Variants in CPNE9 observed in about 807,000 individuals in gnomAD.
CPNE9 encodes copine family member 9.
CPNE9 carries 59 observed loss-of-function variants against 83.0 expected under a neutral mutation model. That is an observed-to-expected ratio of 0.71 (90% CI 0.58 to 0.88). The LOEUF is 0.88. Among genes scored for constraint, CPNE9 ranks in the 40% least tolerant of loss-of-function variants. The pLI, the probability that CPNE9 is intolerant of heterozygous loss-of-function variation, is 0.00. For missense variants in CPNE9, 619 were observed against 720.8 expected, an observed-to-expected ratio of 0.86 and a Z score of 1.62; for synonymous variants, 256 against 273.4, an observed-to-expected ratio of 0.94 and a Z score of 0.63.
intron 7 of CPNE9, among the ~76,000 whole-genome samples, chr3:9,708,245 C>G (rs950917653): frequency 3.9e-5 from 6 of 152,204 alleles, no homozygotes; most frequent in African/African-American, 1.4e-4. Flanking sequence ...AGCCACTGAG[C>G]CCGGCCTTAG....
chr3:9,705,435 AC>A, intron 4 of CPNE9, 28 bp from the exon 5 acceptor site: 3 of 355,474 alleles, frequency 8.4e-6, no homozygotes, highest in Non-Finnish European at 1.3e-5. Flanking sequence ...ACCCAGCCCC[AC>A]CCCACACCGG....
intron 11 of CPNE9, 28 bp from the exon 12 acceptor site, chr3:9,715,261 C>G (rs1299336595): frequency 6.2e-7 from 1 of 1,612,046 alleles, no homozygotes; most frequent in South Asian, 1.1e-5. Flanking sequence ...GCAGCACCTG[C>G]TGCTTAGCCA....
At chr3:9,723,461 G>T (rs1444324984) in intron 17 of CPNE9, among the ~76,000 whole-genome samples, 1 of 151,254 alleles carries the variant, frequency 6.6e-6, no homozygotes, top group South Asian at 2.1e-4. Context: ...AACAGAGCGA[G>T]ACTCTGTCTC....
intron 17 of CPNE9, among the ~76,000 whole-genome samples, chr3:9,721,165 T>C (rs1156895771): frequency 6.6e-6 from 1 of 152,214 alleles, no homozygotes; most frequent in Non-Finnish European, 1.5e-5. Flanking sequence ...GTCCCTCCCC[T>C]TGGGAGCTCC....
intron 4 of CPNE9, 129 bp from the exon 5 acceptor site, chr3:9,705,335 C>T (rs1027243847): frequency 9.5e-6 from 7 of 733,830 alleles, no homozygotes; most frequent in Admixed American, 2.3e-5. Context: ...AAAAGGAGAC[C>T]AAAGCTGAAT....
intron 7 of CPNE9, among the ~76,000 whole-genome samples, chr3:9,707,082 G>A (rs184347526): frequency 8.6e-5 from 13 of 152,042 alleles, no homozygotes; most frequent in Non-Finnish European, 1.5e-4. Context: ...GGCCAGGCGC[G>A]GTGGCTCACA....
chr3:9,712,806 T>A lies in CPNE9; in HGVS notation c.523T>A (p.Tyr175Asn). 3 of 1,614,092 alleles carry A rather than the reference T, an allele frequency of 1.9e-6. No homozygotes were observed. Among genetic ancestry groups the A allele is most frequent in the Non-Finnish European group, 2.5e-6 (3 of 1,179,948 alleles). The stretch of plus-strand genomic sequence containing the variant: ...GAAATCAGACCCCTTCCTTGTGTTC[T>A]ACAGGAGCAATGAGGATGGCACGTG... The part of the protein sequence containing the change: ...FGKSDPFLVF[Y>N]RSNEDGTFTI... The change falls in exon 9 of 21, where the codon TAC (tyrosine) becomes AAC (asparagine). Residue 175 changes from tyrosine (Y) to asparagine (N), a missense_variant. Physicochemically the swap from Tyr to Asn is moderately radical, Grantham distance 143 (BLOSUM62 -2). This residue lies in a region of CPNE9 where 438 missense variants were observed against 562.9 expected (regional missense o/e 0.78). Transcript: ENST00000383832.
At position 9,713,148 on chromosome 3, in the gene CPNE9, T is replaced by C. The variant is rs572031745; in HGVS notation, c.650+69T>C. 4.5e-5 allele frequency: 53 copies of C among 1,178,426 alleles called. 1 individual carries two copies. The Admixed American group carries it at 9.6e-4, about 21-fold the overall frequency. The allele number at this position is 1,178,426 out of a possible 1,614,324, so 73.0% of individuals were successfully genotyped here. On this transcript the variant is annotated intron_variant, in intron 10 of 20. Coordinates refer to ENST00000383832, the MANE Select transcript of CPNE9 (RefSeq NM_153635.3). The stretch of plus-strand genomic sequence containing the variant: ...CCAGTGTGGTTCCTGGGCCCAAGAA[T>C]GATAGTAGAAGTATCATAATAGCGT...
At chr3:9,705,820 G>T in intron 6 of CPNE9, 100 bp downstream of exon 6, 1 of 1,430,924 alleles carries the variant, frequency 7.0e-7, no homozygotes. Context: ...ATTGCTCGCA[G>T]ACCCCTTCTT....
chr3:9,724,879 C>T (rs927781252), intron 17 of CPNE9, among the ~76,000 whole-genome samples: 6 of 152,170 alleles, frequency 3.9e-5, no homozygotes, highest in African/African-American at 1.2e-4. Context: ...GCCTCAGCCT[C>T]CCGAGTAGCT....
chr3:9,718,375 T>C (rs1222879934), intron 16 of CPNE9, 100 bp from the exon 17 acceptor site: 37 of 1,498,738 alleles, frequency 2.5e-5, no homozygotes, highest in Non-Finnish European at 3.3e-5. Context: ...GAGGGGAGCA[T>C]GAAAGGGACT....
intron 7 of CPNE9, among the ~76,000 whole-genome samples, chr3:9,709,593 C>T (rs946221896): frequency 2.0e-5 from 3 of 150,666 alleles, no homozygotes; most frequent in Admixed American, 1.3e-4. Context: ...TGGTCTTGAA[C>T]GCCTTACCTC....
At chr3:9,718,251 C>T in intron 16 of CPNE9, 41 bp downstream of exon 16, 1 of 1,546,768 alleles carries the variant, frequency 6.5e-7, no homozygotes, top group Non-Finnish European at 8.8e-7. Flanking sequence ...GCCCTGGCAT[C>T]TGGTTCACCC....
intron 16 of CPNE9, 24 bp from the exon 17 acceptor site, chr3:9,718,451 C>T: frequency 3.7e-6 from 6 of 1,606,658 alleles, no homozygotes; most frequent in Non-Finnish European, 5.1e-6. Flanking sequence ...TGGGCTCAGC[C>T]TGGCAGGGCA....
At chr3:9,723,399 G>A (rs1299709656) in intron 17 of CPNE9, among the ~76,000 whole-genome samples, 2 of 151,868 alleles carry the variant, frequency 1.3e-5, no homozygotes, top group Non-Finnish European at 2.9e-5. Context: ...TTGAACCCAG[G>A]AGGCAGAGGT....
At position 9,718,540 on chromosome 3, in the gene CPNE9, C is replaced by G; in HGVS notation, c.1179C>G (p.Ser393Arg). 6.2e-7 allele frequency: 1 copy of G among 1,613,728 alleles called. No individual in the cohort carries two copies. Among genetic ancestry groups the G allele is most frequent in the Non-Finnish European group, 8.5e-7 (1 of 1,179,974 alleles). The change falls in exon 17 of 21, where the codon AGC becomes AGG. Residue 393 changes from serine to arginine, a missense_variant. Physicochemically the swap from Ser to Arg is moderately radical, Grantham distance 110. Coordinates refer to ENST00000383832, the MANE Select transcript of CPNE9 (RefSeq NM_153635.3). ...IEGVLESYFQ[S>R]LRTVQLYGPT... ...GTGTGCTGGAGAGCTATTTCCAGAG[C>G]CTGCGCACAGTGCAGCTCTATGGGC...
intron 14 of CPNE9, 137 bp from the exon 15 acceptor site, chr3:9,716,921 C>G: frequency 1.1e-6 from 1 of 874,816 alleles, no homozygotes; most frequent in Non-Finnish European, 1.8e-6. Context: ...GTTTGTTAGG[C>G]TCTACCCAGA....
At chr3:9,709,976 C>T (rs186836787) in intron 7 of CPNE9, among the ~76,000 whole-genome samples, 280 of 121,626 alleles carry the variant, frequency 2.3e-3, no homozygotes, top group African/African-American at 8.3e-3. Context: ...GGCGACAAAG[C>T]AAGACTCCAT....
chr3:9,725,893 G>C, intron 17 of CPNE9, 56 bp from the exon 18 acceptor site: 1 of 1,324,354 alleles, frequency 7.6e-7, no homozygotes, highest in Admixed American at 1.7e-5. Flanking sequence ...TGGGGGTAAG[G>C]TGTTCCCTTG....
Sources: allele counts gnomAD v4.1 joint callset (sites outside exome capture counted in the v4.1 genomes callset), GRCh38; gene constraint gnomAD v4.1.1; regional missense constraint gnomAD v4.1.1; transcripts MANE v1.5; gene names NCBI Gene and HGNC (gene_info 2026-07-23, HGNC 2026-07-21).